KIF26B: variants seen among roughly 807,000 people sequenced by gnomAD.
KIF26B encodes the protein kinesin family member 26B, also known as kinesin-like protein KIF26B.
KIF26B carries 63 observed loss-of-function variants against 151.2 expected under a neutral mutation model. That is an observed-to-expected ratio of 0.42 (90% CI 0.34 to 0.51). The LOEUF (loss-of-function observed/expected upper bound fraction) is 0.51, where lower values mean the gene tolerates loss of function less well. KIF26B is among the 20% of genes least tolerant of loss of function. The pLI is 0.07. For missense variants in KIF26B, 2,813 were observed against 2,913.6 expected, an observed-to-expected ratio of 0.97 and a Z score of 0.79; for synonymous variants, 1,357 against 1,262.1, an observed-to-expected ratio of 1.08 and a Z score of -1.59.
chr1:245,425,379 T>C (rs1354194531), intron 4 of KIF26B, among the ~76,000 whole-genome samples: 1 of 152,178 alleles, frequency 6.6e-6, no homozygotes, highest in Admixed American at 6.5e-5. Context: ...TGATTTTCTT[T>C]CCCAAATAAC....
Position 245,570,647 on chromosome 1 carries a change from C to T in KIF26B, c.1350+29697C>T, listed in dbSNP as rs537287316. ...GAAAGGCTTTTCAGAGATTTCTGAG[C>T]ATACCTGTGTCCCTTACACCTTATT... On this transcript the variant is annotated intron_variant, in intron 5 of 14. Transcript: ENST00000407071. 2.0e-3 allele frequency among the ~76,000 whole-genome samples: 305 copies of T among 152,344 alleles called. 2 individuals carry two copies. The highest frequency in any genetic ancestry group is 3.8e-3 in the Non-Finnish European group (260 of 68,030).
At position 245,358,921 on chromosome 1, in the gene KIF26B, C is replaced by T. The variant is rs1672755524; in HGVS notation, c.466-7913C>T. ...TACTTTCCCATCTTAAGCTCTGAAT[C>T]TATTTGTGAAGGGATCCTATTTCCC... On this transcript the variant is annotated intron_variant, in intron 2 of 14. Coordinates refer to ENST00000407071, the MANE Select transcript of KIF26B (RefSeq NM_018012.4). The surrounding 1 kb of genome is among the most constrained non-coding windows in gnomAD (Gnocchi z 4.1). Among the ~76,000 whole-genome samples, 1 of 152,130 alleles carries T rather than the reference C, an allele frequency of 6.6e-6. No homozygotes were observed. The highest frequency in any genetic ancestry group is 1.5e-5 in the Non-Finnish European group (1 of 68,038).
chr1:245,539,607 C>G (rs1402685201), intron 4 of KIF26B, among the ~76,000 whole-genome samples: 1 of 152,158 alleles, frequency 6.6e-6, no homozygotes, highest in African/African-American at 2.4e-5. Flanking sequence ...CACACTGCCC[C>G]TTCCCCTGTT....
intron 9 of KIF26B, among the ~76,000 whole-genome samples, chr1:245,624,506 A>AGG (rs1425089751): frequency 6.6e-6 from 1 of 152,180 alleles, no homozygotes; most frequent in Non-Finnish European, 1.5e-5. Flanking sequence ...GCACTTCGCT[A>AGG]ATGACCAATG....
chr1:245,549,024 G>A (rs1000483756), intron 5 of KIF26B, among the ~76,000 whole-genome samples: 4 of 152,176 alleles, frequency 2.6e-5, no homozygotes, highest in African/African-American at 9.7e-5. Flanking sequence ...TTACAGGTGT[G>A]AGTCACAGCG....
At chr1:245,460,795 C>A (rs1659629708) in intron 4 of KIF26B, among the ~76,000 whole-genome samples, 1 of 152,180 alleles carries the variant, frequency 6.6e-6, no homozygotes, top group Non-Finnish European at 1.5e-5. Flanking sequence ...ACACGCAGCT[C>A]AAAACGGTGC....
chr1:245,671,095 G>A (rs1432934276), intron 10 of KIF26B, among the ~76,000 whole-genome samples: 1 of 152,160 alleles, frequency 6.6e-6, no homozygotes, highest in African/African-American at 2.4e-5. Flanking sequence ...GTGAGAACAT[G>A]TGATGTTTGT....
intron 4 of KIF26B, among the ~76,000 whole-genome samples, chr1:245,446,371 T>C (rs1263638355): frequency 1.3e-5 from 2 of 152,220 alleles, no homozygotes; most frequent in African/African-American, 4.8e-5. Flanking sequence ...GTTTGGCTGC[T>C]TCTATACAAG....
Position 245,560,725 on chromosome 1 carries a change from G to C in KIF26B, c.1350+19775G>C, listed in dbSNP as rs2042938963. ...AAGCCTGACATGTAAATCTCAAGTTGTTAAACCTGCTGTCAAATGAGCTGC... is the reference window on the plus strand; with the variant it reads ...AAGCCTGACATGTAAATCTCAAGTTCTTAAACCTGCTGTCAAATGAGCTGC... On this transcript the variant is annotated intron_variant, in intron 5 of 14. Coordinates refer to ENST00000407071, the MANE Select transcript of KIF26B (RefSeq NM_018012.4). The surrounding 1 kb of genome is among the most constrained non-coding windows in gnomAD (Gnocchi z 4.3). Among the ~76,000 whole-genome samples, 1 of 152,136 alleles carries C rather than the reference G, an allele frequency of 6.6e-6. No individual in the cohort carries two copies. The highest frequency in any genetic ancestry group is 2.4e-5 in the African/African-American group (1 of 41,436).
intron 2 of KIF26B, among the ~76,000 whole-genome samples, chr1:245,252,386 A>G (rs1435067944): frequency 1.3e-5 from 2 of 151,848 alleles, no homozygotes; most frequent in African/African-American, 2.4e-5. Context: ...AAATGTTTAT[A>G]TTCTCCATAA....
intron 4 of KIF26B, among the ~76,000 whole-genome samples, chr1:245,434,713 C>T (rs992982277): frequency 2.6e-5 from 4 of 152,124 alleles, no homozygotes; most frequent in Admixed American, 2.0e-4. Flanking sequence ...GCTCTCTTGT[C>T]TCTAGGTGGG....
At chr1:245,354,548 A>T (rs1457491266) in intron 2 of KIF26B, among the ~76,000 whole-genome samples, 1 of 152,224 alleles carries the variant, frequency 6.6e-6, no homozygotes, top group Non-Finnish European at 1.5e-5. Flanking sequence ...TGTCCTGTGT[A>T]GCCAGATGGC....
At chr1:245,430,443 C>T (rs890129820) in intron 4 of KIF26B, among the ~76,000 whole-genome samples, 1 of 151,992 alleles carries the variant, frequency 6.6e-6, no homozygotes. Context: ...GGTGGGAGGA[C>T]AGCTTGAGGC....
intron 2 of KIF26B, among the ~76,000 whole-genome samples, chr1:245,321,761 GAGGCCTGGAAAGGAC>G (rs1671890812): frequency 6.6e-6 from 1 of 152,144 alleles, no homozygotes; most frequent in African/African-American, 2.4e-5. Flanking sequence ...CTCTAAAACC[GAGGCCTGGAAAGGAC>G]AGGCCATGCC....
chr1:245,568,184 CAAAAAAAAAAAAAAA>C (rs61494632), intron 5 of KIF26B, among the ~76,000 whole-genome samples: 5 of 28,676 alleles, frequency 1.7e-4, no homozygotes, highest in African/African-American at 5.3e-4. Flanking sequence ...AACTCCATCT[CAAAAAAAAAAAAAAA>C]AAAAAAAAAA....
chr1:245,231,641 A>G (rs1386285064), intron 2 of KIF26B, among the ~76,000 whole-genome samples: 1 of 152,230 alleles, frequency 6.6e-6, no homozygotes, highest in Non-Finnish European at 1.5e-5. Flanking sequence ...TTCTAGATGT[A>G]TCCTCATAAA....
At chr1:245,210,323 T>G (rs1669491805) in intron 2 of KIF26B, among the ~76,000 whole-genome samples, 1 of 152,182 alleles carries the variant, frequency 6.6e-6, no homozygotes, top group Admixed American at 6.5e-5. Context: ...GGGCAGCTGC[T>G]GGGACCACCC....
rs1428204382 is a variant in KIF26B at position 245,707,888 on chromosome 1, A to C, written c.*5282A>C. ...TCCTGAGGAAAGTGCTGATAGTATT[A>C]GTTCCCTACATTTCCCTAAGACTCC... On this transcript the variant is annotated 3_prime_UTR_variant, in exon 15 of 15. Transcript: ENST00000407071. 2 of 152,248 alleles carry C rather than the reference A, an allele frequency of 1.3e-5. No individual in the cohort carries two copies. The highest frequency in any genetic ancestry group is 4.8e-5 in the African/African-American group (2 of 41,458). The allele number at this position is 152,248 out of a possible 1,614,324, so 9.4% of individuals were successfully genotyped here.
chr1:245,277,510 GTGTGCGAGGTGAAGGCTGAGCCT>G, intron 2 of KIF26B, among the ~76,000 whole-genome samples: 2 of 152,186 alleles, frequency 1.3e-5, no homozygotes, highest in Non-Finnish European at 2.9e-5. Flanking sequence ...TTTGTGGGGA[GTGTGCGAGGTGAAGGCTGAGCCT>G]GTGTGGCTCC....
Sources: gnomAD v4.1 joint callset for allele counts (sites outside exome capture counted in the v4.1 genomes callset) on GRCh38, gnomAD v4.1.1 for gene constraint, Gnocchi (gnomAD v3.1) non-coding constraint, MANE v1.5 for transcripts, NCBI Gene and HGNC (gene_info 2026-07-23, HGNC 2026-07-21) for gene names.